The following MYO5B variants were observed in gnomAD, a reference collection of about 807,000 sequenced individuals.
MYO5B encodes myosin VB, also known as unconventional myosin-Vb.
A neutral mutation model predicts 229.3 loss-of-function variants in MYO5B; 143 were observed. That is an observed-to-expected ratio of 0.62 (90% CI 0.54 to 0.72). MYO5B has a LOEUF of 0.72. MYO5B is among the 30% of genes least tolerant of loss of function. MYO5B has a pLI of 0.00. For missense variants in MYO5B, 2,321 were observed against 2,331.0 expected (o/e 1.00, Z 0.09); for synonymous variants, 918 against 885.2 (o/e 1.04, Z -0.66).
chr18:49,988,834 C>T (rs914459580), intron 7 of MYO5B, among the ~76,000 whole-genome samples: 1 of 152,170 alleles, frequency 6.6e-6, no homozygotes, highest in African/African-American at 2.4e-5. Context: ...GAGTGCTCAG[C>T]CCCTGTTCTG....
chr18:50,193,246 T>C (rs1790439), intron 1 of MYO5B, among the ~76,000 whole-genome samples: 133,387 of 152,272 alleles, frequency 0.88, 58,530 homozygotes, highest in Middle Eastern at 0.9. Flanking sequence ...GCCAGGACTG[T>C]CACAGAGTTC....
intron 1 of MYO5B, among the ~76,000 whole-genome samples, chr18:50,143,923 G>A (rs184465857): frequency 2.0e-5 from 3 of 152,292 alleles, no homozygotes; most frequent in Admixed American, 2.0e-4. Flanking sequence ...CCATATGCAT[G>A]GAATATCCAT....
intron 2 of MYO5B, among the ~76,000 whole-genome samples, chr18:50,051,071 A>T (rs552620458): frequency 6.6e-6 from 1 of 152,376 alleles, no homozygotes; most frequent in East Asian, 1.9e-4. Context: ...TGCCCAAACC[A>T]AGATAGTGAT....
At chr18:50,055,601 G>A (rs1261797783) in intron 1 of MYO5B, among the ~76,000 whole-genome samples, 8 of 152,132 alleles carry the variant, frequency 5.3e-5, no homozygotes, top group Non-Finnish European at 7.3e-5. Context: ...TTAAAAGAAC[G>A]TTGCAGATCA....
chr18:49,912,228 A>G (rs2024966638), intron 17 of MYO5B, 55 bp from the exon 18 acceptor site: 1 of 1,372,944 alleles, frequency 7.3e-7, no homozygotes, highest in African/African-American at 1.4e-5. Context: ...TGGCCACACA[A>G]AAGCCAGGCG....
At chr18:50,032,986 C>CAAA (rs113726811) in intron 4 of MYO5B, among the ~76,000 whole-genome samples, 1 of 142,126 alleles carries the variant, frequency 7.0e-6, no homozygotes, top group African/African-American at 2.6e-5. Flanking sequence ...AAACTCATCT[C>CAAA]AAAAAAAAAA....
intron 13 of MYO5B, 66 bp from the exon 14 acceptor site, chr18:49,953,409 ATC>A (rs1177537420): frequency 7.2e-7 from 1 of 1,388,904 alleles, no homozygotes; most frequent in Non-Finnish European, 1.0e-6. Flanking sequence ...AACCACTTTC[ATC>A]TCATCCAGGT....
At chr18:50,108,291 T>C (rs1204607582) in intron 1 of MYO5B, among the ~76,000 whole-genome samples, 3 of 152,212 alleles carry the variant, frequency 2.0e-5, no homozygotes, top group Non-Finnish European at 4.4e-5. Flanking sequence ...ACAGCTGAGC[T>C]TTGTCTATAG....
intron 18 of MYO5B, among the ~76,000 whole-genome samples, chr18:49,911,639 G>A (rs2024958799): frequency 6.6e-6 from 1 of 152,192 alleles, no homozygotes; most frequent in African/African-American, 2.4e-5. Flanking sequence ...ATAAATGCAA[G>A]TCTGATCAGG....
chr18:49,940,175 T>C (rs947199344), intron 14 of MYO5B, among the ~76,000 whole-genome samples: 13 of 152,224 alleles, frequency 8.5e-5, no homozygotes, highest in African/African-American at 3.1e-4. Context: ...TTCACTATTC[T>C]AGGTGAATTC....
At chr18:50,002,420 G>A (rs1173292097) in intron 4 of MYO5B, among the ~76,000 whole-genome samples, 1 of 152,092 alleles carries the variant, frequency 6.6e-6, no homozygotes, top group Non-Finnish European at 1.5e-5. Context: ...AGACAGACAA[G>A]CAACGGAAAG....
intron 26 of MYO5B, among the ~76,000 whole-genome samples, chr18:49,874,561 A>C (rs57459068): frequency 6.6e-6 from 1 of 152,378 alleles, no homozygotes; most frequent in African/African-American, 2.4e-5. Context: ...AGGGGGAAAA[A>C]AAACAAGAAT....
In MYO5B at chr18:49,904,672, C is replaced by T. The variant is rs2024879109; in HGVS notation, c.2571G>A (p.Gln857=). ...TGAGGCCCTCAGAGTGGCTACTCAC[C>T]TGGCGGTAGGTTCTCCGCACAAACA... ...RAMFVRRTYR[Q]VLMEHKATTI... The change falls in exon 20 of 40, where the codon CAG becomes CAA. Residue 857 remains glutamine (Q), a splice_region_variant and synonymous_variant. Transcript: ENST00000285039. 1 of 1,613,664 alleles carries T rather than the reference C, an allele frequency of 6.2e-7. No homozygotes were observed. The highest frequency in any genetic ancestry group is 8.5e-7 in the Non-Finnish European group (1 of 1,180,046).
At chr18:50,143,530 T>C (rs954866062) in intron 1 of MYO5B, among the ~76,000 whole-genome samples, 3 of 152,182 alleles carry the variant, frequency 2.0e-5, no homozygotes, top group African/African-American at 7.2e-5. Flanking sequence ...GAGCGGTTGA[T>C]CTGTATGGGT....
At chr18:49,870,539 G>C (rs1332489157) in intron 27 of MYO5B, among the ~76,000 whole-genome samples, 1 of 152,082 alleles carries the variant, frequency 6.6e-6, no homozygotes, top group Admixed American at 6.5e-5. Flanking sequence ...ATCTGATAAG[G>C]GATTAATATC....
chr18:49,835,578 G>T (rs1266998003), intron 38 of MYO5B, among the ~76,000 whole-genome samples, 154 bp from the exon 39 acceptor site: 1 of 152,180 alleles, frequency 6.6e-6, no homozygotes, highest in Non-Finnish European at 1.5e-5. Flanking sequence ...TACACTTGGA[G>T]CCTGCATCCA....
chr18:50,015,909 C>A (rs920878949), intron 4 of MYO5B, among the ~76,000 whole-genome samples: 2 of 152,218 alleles, frequency 1.3e-5, no homozygotes, highest in Non-Finnish European at 2.9e-5. Context: ...AAGATTCTTG[C>A]TGGAACCAGA....
intron 5 of MYO5B, among the ~76,000 whole-genome samples, chr18:49,999,677 G>A (rs73442574): frequency 0.011 from 1,692 of 152,312 alleles, 33 homozygotes; most frequent in African/African-American, 0.039. Flanking sequence ...ACATTTTCCA[G>A]TGAGCCCATC....
chr18:50,000,942 G>T (rs969633084), intron 5 of MYO5B, among the ~76,000 whole-genome samples: 1 of 152,156 alleles, frequency 6.6e-6, no homozygotes, highest in Non-Finnish European at 1.5e-5. Context: ...TTTCTGACAC[G>T]TGATGTCAGC....
Sources: gnomAD v4.1 joint callset for allele counts (sites outside exome capture counted in the v4.1 genomes callset) on GRCh38, gnomAD v4.1.1 for gene constraint, MANE v1.5 for transcripts, NCBI Gene and HGNC (gene_info 2026-07-23, HGNC 2026-07-21) for gene names.